The following NAALADL2 variants were observed in gnomAD, a reference collection of about 807,000 sequenced individuals.
NAALADL2 encodes N-acetylated alpha-linked acidic dipeptidase like 2.
A neutral mutation model predicts 87.2 loss-of-function variants in NAALADL2; 76 were observed. That is an observed-to-expected ratio of 0.87 (90% CI 0.72 to 1.05). The LOEUF (loss-of-function observed/expected upper bound fraction) is 1.05. Ranked by LOEUF, NAALADL2 falls within the 50% of genes least tolerant of loss-of-function variation. The probability of loss-of-function intolerance (pLI) is 0.00; values close to 1 mark genes in which losing one functional copy is unlikely to be tolerated. For synonymous variants in NAALADL2, 354 were observed against 331.0 expected, an observed-to-expected ratio of 1.07 and a Z score of -0.75; for missense variants, 1,089 against 945.8, an observed-to-expected ratio of 1.15 and a Z score of -1.99.
At chr3:175,730,770 ATT>A (rs1743637802) in intron 11 of NAALADL2, among the ~76,000 whole-genome samples, 1 of 152,008 alleles carries the variant, frequency 6.6e-6, no homozygotes, top group Non-Finnish European at 1.5e-5. Context: ...TTTCTAATTT[ATT>A]CTTCCTTTAT....
At chr3:174,862,992 G>A (rs1367235690) in intron 1 of NAALADL2, among the ~76,000 whole-genome samples, 1 of 152,076 alleles carries the variant, frequency 6.6e-6, no homozygotes, top group Non-Finnish European at 1.5e-5. Context: ...GCTCTAGATA[G>A]CAACCAGCAG....
chr3:174,715,861 T>C lies in NAALADL2; in HGVS notation c.-114-21780T>C, dbSNP rs77153248. Among the ~76,000 whole-genome samples the C allele has an allele frequency of 6.2e-3, 937 of 152,238 alleles. 6 individuals are homozygous for C. Among genetic ancestry groups the C allele is most frequent in the African/African-American group, 0.021 (891 of 41,552 alleles). On this transcript the variant is annotated intron_variant, in intron 2 of 3. Coordinates refer to the NAALADL2 transcript ENST00000434257. The stretch of plus-strand genomic sequence containing the variant: ...CACACCAGGCTTATTACAGGTATTT[T>C]TCTAGGTTTCAGTTCTAGGATTATC...
intron 2 of NAALADL2, among the ~76,000 whole-genome samples, chr3:175,199,397 T>C (rs967018377): frequency 6.6e-6 from 1 of 152,124 alleles, no homozygotes; most frequent in African/African-American, 2.4e-5. Flanking sequence ...TACTTCTTGA[T>C]ACCATGCTTT....
At chr3:174,992,531 T>G (rs1746877292) in intron 1 of NAALADL2, among the ~76,000 whole-genome samples, 1 of 152,118 alleles carries the variant, frequency 6.6e-6, no homozygotes, top group Non-Finnish European at 1.5e-5. Flanking sequence ...CAACATGTTT[T>G]TACAGTTATT....
chr3:175,013,301 A>ATATATATTTTTTT (rs1553916905), intron 1 of NAALADL2, among the ~76,000 whole-genome samples: 5 of 72,066 alleles, frequency 6.9e-5, no homozygotes, highest in South Asian at 5.4e-4. Context: ...ATATATATAT[A>ATATATATTTTTTT]TTTTTTTTTT....
chr3:175,373,438 G>C (rs1487854150), intron 5 of NAALADL2, among the ~76,000 whole-genome samples: 2 of 152,072 alleles, frequency 1.3e-5, no homozygotes, highest in Non-Finnish European at 2.9e-5. Flanking sequence ...GTAGTAATAT[G>C]CCTGGCATTT....
chr3:174,564,962 A>T (rs2108519991), intron 2 of NAALADL2, among the ~76,000 whole-genome samples: 1 of 152,052 alleles, frequency 6.6e-6, no homozygotes, highest in South Asian at 2.1e-4. Context: ...TTTTTTTAGA[A>T]AATTGATAGA....
intron 2 of NAALADL2, among the ~76,000 whole-genome samples, chr3:174,599,474 C>T (rs758857418): frequency 1.2e-4 from 19 of 152,014 alleles, no homozygotes; most frequent in Non-Finnish European, 2.1e-4. Context: ...CTCAGAATAA[C>T]TATGTCTACT....
chr3:175,118,070 A>G (rs2108542931), intron 2 of NAALADL2, among the ~76,000 whole-genome samples: 1 of 151,820 alleles, frequency 6.6e-6, no homozygotes, highest in East Asian at 2.0e-4. Context: ...AACAATGAGA[A>G]CACTTGGAAA....
At chr3:175,271,055 A>C (rs1752759858) in intron 4 of NAALADL2, 2 of 152,204 alleles carry the variant, frequency 1.3e-5, no homozygotes, top group African/African-American at 4.8e-5. Context: ...ACATTTACTT[A>C]CTGCTTTGAT....
At chr3:174,715,099 T>G (rs2108930212) in intron 2 of NAALADL2, among the ~76,000 whole-genome samples, 1 of 152,336 alleles carries the variant, frequency 6.6e-6, no homozygotes, top group Non-Finnish European at 1.5e-5. Context: ...TGGCCCTTAT[T>G]AGTCAATCGG....
chr3:175,265,171 G>A (rs1751712117), intron 4 of NAALADL2, among the ~76,000 whole-genome samples: 1 of 151,576 alleles, frequency 6.6e-6, no homozygotes, highest in Admixed American at 6.6e-5. Context: ...TTTGCTAAAT[G>A]GTAGAACCCC....
chr3:174,656,122 A>G (rs1339780460), intron 2 of NAALADL2, among the ~76,000 whole-genome samples: 2 of 152,240 alleles, frequency 1.3e-5, no homozygotes, highest in Non-Finnish European at 2.9e-5. Context: ...AGAGTAACTG[A>G]GCAAACATTT....
chr3:175,435,068 T>A (rs1295791245), intron 5 of NAALADL2, among the ~76,000 whole-genome samples: 4 of 152,002 alleles, frequency 2.6e-5, no homozygotes, highest in Non-Finnish European at 4.4e-5. Flanking sequence ...TATATACAAT[T>A]TTTTCTCTGA....
intron 2 of NAALADL2, among the ~76,000 whole-genome samples, chr3:175,159,394 A>G (rs1251923858): frequency 6.6e-6 from 1 of 152,210 alleles, no homozygotes; most frequent in Non-Finnish European, 1.5e-5. Flanking sequence ...TACTCCAAAC[A>G]GGAATTGAAA....
intron 2 of NAALADL2, among the ~76,000 whole-genome samples, chr3:175,232,505 A>G (rs1260576011): frequency 6.6e-6 from 1 of 152,168 alleles, no homozygotes; most frequent in African/African-American, 2.4e-5. Flanking sequence ...CACTGGATAA[A>G]CACAAATTGT....
chr3:174,832,334 A>C (rs1312108716), intron 3 of NAALADL2, among the ~76,000 whole-genome samples: 1 of 152,074 alleles, frequency 6.6e-6, no homozygotes, highest in East Asian at 1.9e-4. Context: ...GTTTCAAAGA[A>C]CATCTTTATT....
At chr3:175,529,482 G>A (rs767202538) in intron 9 of NAALADL2, among the ~76,000 whole-genome samples, 7 of 152,182 alleles carry the variant, frequency 4.6e-5, no homozygotes, top group Non-Finnish European at 7.3e-5. Flanking sequence ...TCCTGGACCT[G>A]TGAATCCTGG....
At chr3:174,492,949 T>C (rs1718295965) in intron 1 of NAALADL2, among the ~76,000 whole-genome samples, 1 of 152,254 alleles carries the variant, frequency 6.6e-6, no homozygotes, top group Non-Finnish European at 1.5e-5. Flanking sequence ...GCTCCATTTC[T>C]TACTGCTGAC....
Sources: gnomAD v4.1 joint callset for allele counts (sites outside exome capture counted in the v4.1 genomes callset) on GRCh38, gnomAD v4.1.1 for gene constraint, MANE v1.5 for transcripts, NCBI Gene and HGNC (gene_info 2026-07-23, HGNC 2026-07-21) for gene names.